MYO18B: variants seen among roughly 807,000 people sequenced by gnomAD.
MYO18B encodes unconventional myosin-XVIIIb.
MYO18B carries 204 observed loss-of-function variants against 273.0 expected under a neutral mutation model. The ratio of observed to expected loss-of-function variants is 0.75; its 90% confidence interval spans 0.67 to 0.84. MYO18B has a LOEUF of 0.84. Ranked by LOEUF, MYO18B falls within the 40% of genes least tolerant of loss-of-function variation. The pLI, the probability that MYO18B is intolerant of heterozygous loss-of-function variation, is 0.00. For synonymous variants in MYO18B, 1,330 were observed against 1,305.7 expected (o/e 1.02, Z -0.40); for missense variants, 3,212 against 3,287.6 (o/e 0.98, Z 0.56).
chr22:25,960,005 G>A lies in MYO18B; in HGVS notation c.6156+4641G>A, dbSNP rs144478761. 4.7e-3 allele frequency among the ~76,000 whole-genome samples: 719 copies of A among 152,224 alleles called. 8 individuals carry two copies. The highest frequency in any genetic ancestry group is 0.021 in the South Asian group (101 of 4,818). On this transcript the variant is annotated intron_variant, in intron 39 of 43. Coordinates refer to ENST00000335473, the MANE Select transcript of MYO18B (RefSeq NM_032608.7). Reference sequence around the variant, plus strand: ...AATCCTTTCCGCCCGTCCCCAACCTGTACTATTTGTCACTGTTGGTGTTGG... The same window carrying A: ...AATCCTTTCCGCCCGTCCCCAACCTATACTATTTGTCACTGTTGGTGTTGG...
At chr22:26,056,294 A>G in the MYO18B span, among the ~76,000 whole-genome samples, 1 of 152,202 alleles carries the variant, frequency 6.6e-6, no homozygotes, top group Admixed American at 6.5e-5. Context: ...CATAAAATAA[A>G]ATATCCATGA....
chr22:26,012,094 T>G (rs9613082), intron 42 of MYO18B, among the ~76,000 whole-genome samples: 27,301 of 152,210 alleles, frequency 0.18, 3,288 homozygotes, highest in Non-Finnish European at 0.27. Flanking sequence ...TAAAAAGGTC[T>G]AAATTACACA....
chr22:26,022,343 G>A (rs1158337662), intron 42 of MYO18B, among the ~76,000 whole-genome samples: 2 of 151,900 alleles, frequency 1.3e-5, no homozygotes, highest in African/African-American at 4.8e-5. Flanking sequence ...TCCAGTGCTG[G>A]GACAGGAATG....
At chr22:26,042,767 G>C in the MYO18B span, among the ~76,000 whole-genome samples, 1 of 152,116 alleles carries the variant, frequency 6.6e-6, no homozygotes, top group African/African-American at 2.4e-5. Flanking sequence ...CATTTATTGA[G>C]TACCTATTAT....
intron 6 of MYO18B, among the ~76,000 whole-genome samples, 151 bp downstream of exon 6, chr22:25,771,135 A>C (rs2086705192): frequency 6.6e-6 from 1 of 152,150 alleles, no homozygotes; most frequent in Non-Finnish European, 1.5e-5. Flanking sequence ...AGTTATAGTG[A>C]AGAACCCCAC....
intron 12 of MYO18B, among the ~76,000 whole-genome samples, chr22:25,804,359 C>G (rs541327211): frequency 6.6e-6 from 1 of 152,314 alleles, no homozygotes; most frequent in South Asian, 2.1e-4. Context: ...CAATGATTCC[C>G]AAGCAGTCTC....
At chr22:26,018,788 A>T (rs1935577561) in intron 42 of MYO18B, among the ~76,000 whole-genome samples, 1 of 152,112 alleles carries the variant, frequency 6.6e-6, no homozygotes, top group Non-Finnish European at 1.5e-5. Flanking sequence ...CCCCATCTCT[A>T]CTAAAAATAC....
intron 10 of MYO18B, among the ~76,000 whole-genome samples, chr22:25,783,921 C>T (rs2087267596): frequency 6.6e-6 from 1 of 152,208 alleles, no homozygotes; most frequent in Non-Finnish European, 1.5e-5. Context: ...CTTTCTCTAC[C>T]TCTGCTGCTG....
In MYO18B at chr22:25,874,497, C is replaced by A. The variant is rs1573755; in HGVS notation, c.4080+83C>A. ...GTCTGCCTGTCTTTCAGGATGATAC[C>A]GGTGCACCGGGTCCAAGGATCCAAC... On this transcript the variant is annotated intron_variant, in intron 23 of 43. Coordinates refer to ENST00000335473, the MANE Select transcript of MYO18B (RefSeq NM_032608.7). 47,932 of 1,508,036 alleles carry A rather than the reference C, an allele frequency of 0.032. 1,293 individuals are homozygous for A. The highest frequency in any genetic ancestry group is 0.17 in the East Asian group (6,727 of 40,574). The allele number at this position is 1,508,036 out of a possible 1,614,324, so 93.4% of individuals were successfully genotyped here. A position where few individuals can be genotyped will look rare whatever the true frequency, so the allele number is the denominator to read the frequency against.
At position 25,846,181 on chromosome 22, in the gene MYO18B, C is replaced by G; in HGVS notation, c.3450C>G (p.Ser1150=). Residue 1150 remains serine (S), a synonymous_variant, in exon 19 of 44, where the codon TCC becomes TCG. Coordinates refer to ENST00000335473, the MANE Select transcript of MYO18B (RefSeq NM_032608.7). ...CTGTGGCAGGCCTGGAGGGCACCTC[C>G]CAGCAGGCCCTGCAGAGGAGCCGCA... ...CRAVAGLEGT[S]QQALQRSRMV... 1 of 1,611,800 alleles carries G rather than the reference C, an allele frequency of 6.2e-7. No individual in the cohort carries two copies. Among genetic ancestry groups the G allele is most frequent in the African/African-American group, 1.3e-5 (1 of 75,026 alleles).
intron 41 of MYO18B, among the ~76,000 whole-genome samples, chr22:26,003,690 G>A (rs936494315): frequency 6.6e-6 from 1 of 152,064 alleles, no homozygotes; most frequent in Admixed American, 6.5e-5. Context: ...CTATGTGTAC[G>A]TGATTCCTTC....
chr22:25,809,373 G>A (rs1431933612), intron 12 of MYO18B, among the ~76,000 whole-genome samples: 3 of 152,146 alleles, frequency 2.0e-5, no homozygotes, highest in Non-Finnish European at 2.9e-5. Flanking sequence ...AGTAATGTTC[G>A]GAACTCAAAA....
intron 5 of MYO18B, 133 bp from the exon 6 acceptor site, chr22:25,770,739 G>A (rs1033574950): frequency 1.5e-6 from 1 of 645,332 alleles, no homozygotes; most frequent in East Asian, 2.7e-5. Context: ...CCCAAATGGA[G>A]ACCTGTCCCA....
intron 9 of MYO18B, among the ~76,000 whole-genome samples, 177 bp downstream of exon 9, chr22:25,780,375 G>A (rs1288840015): frequency 2.6e-5 from 4 of 152,008 alleles, no homozygotes; most frequent in Non-Finnish European, 4.4e-5. Context: ...TGGATCACCT[G>A]AGGTCTGGGG....
intron 13 of MYO18B, among the ~76,000 whole-genome samples, chr22:25,825,945 GC>G (rs2089474180): frequency 6.6e-6 from 1 of 152,202 alleles, no homozygotes; most frequent in Non-Finnish European, 1.5e-5. Context: ...TCTGCTATGT[GC>G]CAGACACTGG....
Position 25,926,154 on chromosome 22 carries a change from G to A in MYO18B, c.5517+4745G>A, listed in dbSNP as rs554772089. ...TAGGAGGTGGAGCTTGCAGTGAGCC[G>A]AGATTGTGCCACTGCACTCCAGCCT... On this transcript the variant is annotated intron_variant, in intron 34 of 43. Coordinates refer to ENST00000335473, the MANE Select transcript of MYO18B (RefSeq NM_032608.7). 1.5e-3 allele frequency among the ~76,000 whole-genome samples: 231 copies of A among 152,038 alleles called. 2 individuals are homozygous for A. Among genetic ancestry groups the A allele is most frequent in the Non-Finnish European group, 2.3e-3 (153 of 67,978 alleles).
intron 34 of MYO18B, among the ~76,000 whole-genome samples, chr22:25,932,784 G>A (rs2092525013): frequency 6.6e-6 from 1 of 151,914 alleles, no homozygotes; most frequent in South Asian, 2.1e-4. Flanking sequence ...ATGTTTCTTT[G>A]TGGTTTTTGT....
the MYO18B span, among the ~76,000 whole-genome samples, chr22:26,060,883 A>G: frequency 9.7e-6 from 1 of 103,062 alleles, no homozygotes; most frequent in Non-Finnish European, 1.7e-5. Context: ...AGTTTTACAT[A>G]TACACATATA....
rs1474878086 is a variant in MYO18B at position 26,011,314 on chromosome 22, G to A, written c.6470+6459G>A. ...AGCCTGAGTGAGCCTGAACCAGTCAGAATGGACAAGGGGACTGAAGGAGCC... is the reference window on the plus strand; with the variant it reads ...AGCCTGAGTGAGCCTGAACCAGTCAAAATGGACAAGGGGACTGAAGGAGCC... On this transcript the variant is annotated intron_variant, in intron 42 of 43. Coordinates refer to ENST00000335473, the MANE Select transcript of MYO18B (RefSeq NM_032608.7). Among the ~76,000 whole-genome samples the A allele has an allele frequency of 2.6e-5, 4 of 152,084 alleles. No individual in the cohort carries two copies. The South Asian group carries it at 6.3e-4, about 24-fold the overall frequency.
Sources: allele counts gnomAD v4.1 joint callset (sites outside exome capture counted in the v4.1 genomes callset), GRCh38; gene constraint gnomAD v4.1.1; transcripts MANE v1.5; gene names NCBI Gene and HGNC (gene_info 2026-07-23, HGNC 2026-07-21).